URI1: variants seen among roughly 807,000 people sequenced by gnomAD.
URI1 encodes URI1 prefoldin like chaperone.
Under a neutral mutation model 60.2 loss-of-function variants are expected in URI1, and 39 were observed. The ratio of observed to expected loss-of-function variants is 0.65; its 90% CI spans 0.50 to 0.85. The LOEUF is 0.85. Among genes scored for constraint, URI1 ranks in the 40% least tolerant of loss-of-function variants. The pLI is 0.00. For missense variants in URI1, 691 were observed against 665.9 expected (o/e 1.04, Z -0.42); for synonymous variants, 251 against 236.8 (o/e 1.06, Z -0.55).
intron 1 of URI1, among the ~76,000 whole-genome samples, chr19:29,936,707 A>G (rs944180969): frequency 6.6e-6 from 1 of 152,016 alleles, no homozygotes; most frequent in Non-Finnish European, 1.5e-5. Flanking sequence ...GCATATGTTG[A>G]TATATGCTTG....
rs1011407093 is a variant in URI1 at position 30,015,718 on chromosome 19, A to C, written c.*649A>C. ...AAACTTGGTCTCAAAAATGTTGTGA[A>C]CTTTATGATTCAAAATTGAGTACAG... is the stretch of plus-strand genomic sequence containing the variant. On this transcript the variant is annotated 3_prime_UTR_variant, in exon 11 of 11. Transcript: ENST00000392271. 6.1e-6 allele frequency: 5 copies of C among 824,434 alleles called. No individual in the cohort carries two copies. The African/African-American group carries it at 8.6e-5, about 14-fold the overall frequency. The allele number at this position is 824,434 out of a possible 1,614,324, so 51.1% of individuals were successfully genotyped here.
At chr19:29,968,440 GTAAT>G (rs908229363) in intron 1 of URI1, among the ~76,000 whole-genome samples, 1 of 151,404 alleles carries the variant, frequency 6.6e-6, no homozygotes, top group East Asian at 1.9e-4. Context: ...AATACTTAAA[GTAAT>G]TAATCTGAGT....
rs565471207 is a variant in URI1, at chr19:30,005,066, T to C, written c.368-295T>C. 3.9e-5 allele frequency among the ~76,000 whole-genome samples: 6 copies of C among 152,170 alleles called. No individual in the cohort carries two copies. The East Asian group carries it at 1.2e-3, about 29-fold the overall frequency. ...TTTTATGTGATGATCCAACTAGATA[T>C]TTATCCTATAGAAACCTGGTAGCAC... On this transcript the variant is annotated intron_variant, in intron 4 of 10. Coordinates refer to ENST00000392271, the MANE Select transcript of URI1 (RefSeq NM_003796.3).
intron 1 of URI1, among the ~76,000 whole-genome samples, chr19:29,959,908 A>G (rs2055300693): frequency 6.6e-6 from 1 of 151,410 alleles, no homozygotes; most frequent in South Asian, 2.1e-4. Context: ...GCCCTTAGAG[A>G]TGATGGTTGA....
At chr19:30,006,656 T>G (rs1220564792) in intron 6 of URI1, among the ~76,000 whole-genome samples, 1 of 152,118 alleles carries the variant, frequency 6.6e-6, no homozygotes, top group East Asian at 1.9e-4. Context: ...TATGCAACAA[T>G]GCAGCAAATT....
At chr19:29,928,436 C>G (rs895314800) in intron 1 of URI1, among the ~76,000 whole-genome samples, 1 of 152,176 alleles carries the variant, frequency 6.6e-6, no homozygotes, top group Non-Finnish European at 1.5e-5. Flanking sequence ...TCACGAAACG[C>G]CCCTTTCCTT....
At chr19:29,992,658 TTACTCTAAA>T (rs2055761323) in intron 4 of URI1, among the ~76,000 whole-genome samples, 1 of 152,248 alleles carries the variant, frequency 6.6e-6, no homozygotes, top group African/African-American at 2.4e-5. Flanking sequence ...CTTAAAAGTT[TTACTCTAAA>T]TACTTGCTTT....
At chr19:30,001,308 GATTT>G (rs910075521) in intron 4 of URI1, among the ~76,000 whole-genome samples, 1 of 151,726 alleles carries the variant, frequency 6.6e-6, no homozygotes, top group Non-Finnish European at 1.5e-5. Context: ...GTAGCAAGCT[GATTT>G]ATTTATTTTT....
chr19:29,956,607 C>T (rs2055251049), intron 1 of URI1: 4 of 1,499,076 alleles, frequency 2.7e-6, no homozygotes, highest in Non-Finnish European at 2.8e-6. Context: ...CACCTGGTCT[C>T]ATCTGAACCC....
At chr19:29,963,484 A>C (rs1333769867) in intron 1 of URI1, among the ~76,000 whole-genome samples, 1 of 152,062 alleles carries the variant, frequency 6.6e-6, no homozygotes, top group Middle Eastern at 3.2e-3. Context: ...CTATTTTTAA[A>C]ATATATTCCT....
At chr19:29,937,006 C>A (rs2054979199) in intron 1 of URI1, among the ~76,000 whole-genome samples, 1 of 152,208 alleles carries the variant, frequency 6.6e-6, no homozygotes, top group Admixed American at 6.5e-5. Context: ...CCCTCCTCGG[C>A]CTCCCAAAGT....
At chr19:29,950,608 A>G (rs2055168013) in intron 1 of URI1, among the ~76,000 whole-genome samples, 1 of 152,178 alleles carries the variant, frequency 6.6e-6, no homozygotes, top group Non-Finnish European at 1.5e-5. Context: ...AGTGAATTGC[A>G]GACATCATCA....
chr19:29,949,689 C>T (rs1397727286), intron 1 of URI1, among the ~76,000 whole-genome samples: 2 of 152,252 alleles, frequency 1.3e-5, no homozygotes, highest in Non-Finnish European at 2.9e-5. Flanking sequence ...TGGCAGATCA[C>T]TCGCGGTTAG....
At chr19:29,968,408 C>T (rs952455384) in intron 1 of URI1, among the ~76,000 whole-genome samples, 1 of 151,874 alleles carries the variant, frequency 6.6e-6, no homozygotes, top group Non-Finnish European at 1.5e-5. Context: ...GGCTCGCTGC[C>T]TTATGGTTAC....
chr19:29,954,882 G>A (rs2055225013), intron 1 of URI1, among the ~76,000 whole-genome samples: 1 of 151,786 alleles, frequency 6.6e-6, no homozygotes, highest in Admixed American at 6.6e-5. Context: ...AAATACATGT[G>A]TTCACTTTAT....
chr19:29,986,493 T>A, intron 4 of URI1, 76 bp downstream of exon 4: 1 of 1,533,622 alleles, frequency 6.5e-7, no homozygotes, highest in Non-Finnish European at 8.8e-7. Flanking sequence ...AAGGGCTGTT[T>A]CTTACCAAAA....
rs1473200750 is a variant in URI1 at position 30,007,633 on chromosome 19, T to A, written c.681T>A (p.Leu227=). ...LERQEELLGE[L]DSKPDTVIAN... is the part of the protein sequence containing the mutation. ...GACAGGAAGAATTGCTGGGTGAACT[T>A]GATAGGTACTTGATGACAAATTATC... The change falls in exon 7 of 11, where the codon CTT becomes CTA. Residue 227 remains leucine, a synonymous_variant. Transcript: ENST00000392271. The A allele has an allele frequency of 6.2e-7, 1 of 1,602,336 alleles. No homozygotes were observed. The highest frequency in any genetic ancestry group is 1.7e-5 in the Admixed American group (1 of 57,672).
At chr19:29,930,993 C>T (rs1479930181) in intron 1 of URI1, among the ~76,000 whole-genome samples, 1 of 152,112 alleles carries the variant, frequency 6.6e-6, no homozygotes, top group Non-Finnish European at 1.5e-5. Context: ...CAGGCATGAG[C>T]CATCTGCCTG....
intron 1 of URI1, among the ~76,000 whole-genome samples, chr19:29,957,509 G>A (rs2055264565): frequency 6.6e-6 from 1 of 152,004 alleles, no homozygotes; most frequent in African/African-American, 2.4e-5. Context: ...GCCTGTAATT[G>A]CACCAGTATC....
Sources: allele counts gnomAD v4.1 joint callset (sites outside exome capture counted in the v4.1 genomes callset), GRCh38; gene constraint gnomAD v4.1.1; transcripts MANE v1.5; gene names NCBI Gene and HGNC (gene_info 2026-07-23, HGNC 2026-07-21).